Variants in DAB1 observed in about 807,000 individuals in gnomAD.
DAB1 encodes the protein DAB adaptor protein 1.
In DAB1, 15 loss-of-function variants were observed where a neutral mutation model predicts 64.6. The ratio of observed to expected loss-of-function variants is 0.23; its 90% confidence interval spans 0.16 to 0.36. The LOEUF is 0.36. DAB1 is among the 10% of genes least tolerant of loss of function. The probability of loss-of-function intolerance (pLI) is 1.00; values close to 1 mark genes in which losing one functional copy is unlikely to be tolerated. For missense variants in DAB1, 596 were observed against 706.7 expected (o/e 0.84, Z 1.78); for synonymous variants, 235 against 251.9 (o/e 0.93, Z 0.64).
At position 57,635,213 on chromosome 1, in the gene DAB1, T is replaced by C. The variant is rs906955181; in HGVS notation, n.625+14379A>G. Among the ~76,000 whole-genome samples the C allele has an allele frequency of 2.0e-5, 3 of 152,102 alleles. No homozygotes were observed. In the East Asian group the frequency reaches 5.8e-4, roughly 29 times the overall value. ...ATGATGTTACTTGGAGATAGAGTCA[T>C]TAGGGAGATAATTAAGGTTAAATGA... On this transcript the variant is annotated intron_variant and non_coding_transcript_variant, in intron 7 of 20. Transcript: ENST00000485760.
intron 4 of DAB1, among the ~76,000 whole-genome samples, chr1:58,153,615 C>A (rs924064010): frequency 6.6e-6 from 1 of 152,044 alleles, no homozygotes; most frequent in Non-Finnish European, 1.5e-5. Flanking sequence ...GAAGCTGAAC[C>A]ATTCAACCTA....
intron 6 of DAB1, among the ~76,000 whole-genome samples, chr1:57,746,084 A>G (rs1214756882): frequency 1.3e-5 from 2 of 152,132 alleles, no homozygotes; most frequent in Non-Finnish European, 1.5e-5. Flanking sequence ...CCTTTCCCCA[A>G]TTGATGAACA....
chr1:57,063,705 A>G (rs1454009555), intron 8 of DAB1, among the ~76,000 whole-genome samples: 2 of 152,208 alleles, frequency 1.3e-5, no homozygotes, highest in Non-Finnish European at 2.9e-5. Context: ...TAGATACACA[A>G]CACTATTACA....
intron 5 of DAB1, among the ~76,000 whole-genome samples, chr1:58,056,837 G>A (rs1036410391): frequency 1.3e-5 from 2 of 152,040 alleles, no homozygotes; most frequent in Non-Finnish European, 2.9e-5. Flanking sequence ...TCAACCAAAA[G>A]TCACTGCTCT....
In DAB1 at chr1:57,586,581, A is replaced by G. The variant is rs567505107; in HGVS notation, n.625+63011T>C. Among the ~76,000 whole-genome samples, 16 of 152,032 alleles carry G rather than the reference A, an allele frequency of 1.1e-4. No individual in the cohort carries two copies. The South Asian group carries it at 2.9e-3, about 28-fold the overall frequency. The stretch of plus-strand genomic sequence containing the variant: ...TGGGTGGTTGATAAAGATTTTCGTC[A>G]TACACATTCTTCCTCTGGTAGGCAA... On this transcript the variant is annotated intron_variant and non_coding_transcript_variant, in intron 7 of 20. Coordinates refer to the DAB1 transcript ENST00000485760.
intron 2 of DAB1, among the ~76,000 whole-genome samples, chr1:57,290,206 C>T (rs942527893): frequency 1.3e-5 from 2 of 152,012 alleles, no homozygotes; most frequent in Non-Finnish European, 2.9e-5. Context: ...CCAGGAGGCT[C>T]CCCTAAACTC....
At chr1:58,422,472 C>A (rs1240118694) in intron 3 of DAB1, among the ~76,000 whole-genome samples, 1 of 151,958 alleles carries the variant, frequency 6.6e-6, no homozygotes, top group African/African-American at 2.4e-5. Context: ...AATAAACTCC[C>A]AAAGCCACAT....
At chr1:58,331,647 C>A (rs1557733270) in intron 4 of DAB1, among the ~76,000 whole-genome samples, 1 of 152,198 alleles carries the variant, frequency 6.6e-6, no homozygotes, top group Admixed American at 6.5e-5. Flanking sequence ...CAAAGCAAGA[C>A]CCTCCACTAG....
At chr1:57,731,804 C>CAAA (rs34262128) in intron 6 of DAB1, among the ~76,000 whole-genome samples, 102 of 147,736 alleles carry the variant, frequency 6.9e-4, no homozygotes, top group African/African-American at 2.4e-3. Flanking sequence ...GATGCTGTCT[C>CAAA]AAAAAAAAAA....
chr1:57,802,213 T>C (rs1472404229), intron 6 of DAB1, among the ~76,000 whole-genome samples: 4 of 152,190 alleles, frequency 2.6e-5, no homozygotes, highest in African/African-American at 9.6e-5. Context: ...ATTCCAACAA[T>C]GAGGACTGGT....
intron 4 of DAB1, among the ~76,000 whole-genome samples, chr1:58,259,188 C>G (rs1279599001): frequency 6.6e-6 from 1 of 152,122 alleles, no homozygotes; most frequent in Non-Finnish European, 1.5e-5. Flanking sequence ...AAAGCTTAAA[C>G]AAACTGGAAC....
intron 6 of DAB1, among the ~76,000 whole-genome samples, chr1:57,757,040 A>G (rs1219862774): frequency 2.6e-5 from 4 of 152,098 alleles, no homozygotes; most frequent in Admixed American, 2.6e-4. Flanking sequence ...CAGCTATGGA[A>G]GGTAGTATAT....
chr1:58,066,506 CCTGTT>C (rs1479042846), intron 5 of DAB1, among the ~76,000 whole-genome samples: 1 of 152,128 alleles, frequency 6.6e-6, no homozygotes, highest in African/African-American at 2.4e-5. Flanking sequence ...TATGCCAGGC[CCTGTT>C]CTAAGTGCTT....
chr1:57,207,093 C>A (rs1048492244), intron 2 of DAB1, among the ~76,000 whole-genome samples: 1 of 150,686 alleles, frequency 6.6e-6, no homozygotes, highest in African/African-American at 2.4e-5. Flanking sequence ...CTCAGCCTCC[C>A]GAGTAGCTGG....
chr1:57,253,455 C>T (rs556496803), intron 2 of DAB1, among the ~76,000 whole-genome samples: 4 of 152,076 alleles, frequency 2.6e-5, no homozygotes, highest in African/African-American at 9.7e-5. Flanking sequence ...GATGAACCAA[C>T]CCTCCTAAAG....
At chr1:57,679,769 G>A (rs1481205600) in intron 6 of DAB1, among the ~76,000 whole-genome samples, 1 of 152,178 alleles carries the variant, frequency 6.6e-6, no homozygotes, top group Non-Finnish European at 1.5e-5. Context: ...AATAGCAACA[G>A]GAAGCAGAGT....
intron 6 of DAB1, among the ~76,000 whole-genome samples, chr1:57,727,853 CT>C (rs1647251385): frequency 6.6e-6 from 1 of 151,984 alleles, no homozygotes; most frequent in Admixed American, 6.6e-5. Flanking sequence ...TAAGTGCCAC[CT>C]TTTCACAATA....
At chr1:58,374,408 T>G (rs1644302659) in intron 3 of DAB1, among the ~76,000 whole-genome samples, 1 of 146,050 alleles carries the variant, frequency 6.8e-6, no homozygotes, top group South Asian at 2.3e-4. Context: ...GGCTAGCCAG[T>G]TTTCCCAGCA....
intron 5 of DAB1, among the ~76,000 whole-genome samples, chr1:58,135,773 C>A (rs1653910660): frequency 6.6e-6 from 1 of 152,138 alleles, no homozygotes; most frequent in Non-Finnish European, 1.5e-5. Context: ...TGGAAGATAT[C>A]TTGGGGGAGT....
Sources: allele counts gnomAD v4.1 joint callset (sites outside exome capture counted in the v4.1 genomes callset), GRCh38; gene constraint gnomAD v4.1.1; transcripts MANE v1.5; gene names NCBI Gene and HGNC (gene_info 2026-07-23, HGNC 2026-07-21).